The following CEMIP variants were observed in gnomAD, a reference collection of about 807,000 sequenced individuals.
CEMIP encodes the protein cell migration-inducing and hyaluronan-binding protein.
CEMIP carries 105 observed loss-of-function variants against 156.9 expected under a neutral mutation model. The observed-to-expected ratio is 0.67, with a 90% confidence interval of 0.57 to 0.79. CEMIP has a LOEUF of 0.79. Ranked by LOEUF, CEMIP falls within the 30% of genes least tolerant of loss-of-function variation. The pLI is 0.00. For missense variants in CEMIP, 1,457 were observed against 1,769.4 expected, an observed-to-expected ratio of 0.82 and a Z score of 3.17; for synonymous variants, 676 against 668.4, an observed-to-expected ratio of 1.01 and a Z score of -0.17.
chr15:80,933,105 T>C (rs1030446910), intron 22 of CEMIP, 140 bp from the exon 23 acceptor site: 4 of 741,940 alleles, frequency 5.4e-6, no homozygotes, highest in South Asian at 3.2e-5. Context: ...AGCCACGTGG[T>C]TTCTCTCAGT....
At position 80,849,312 on chromosome 15, in the gene CEMIP, C is replaced by T. The variant is rs185119433; in HGVS notation, c.-175-24226C>T. On this transcript the variant is annotated intron_variant, in intron 1 of 29. Coordinates refer to ENST00000394685, the MANE Select transcript of CEMIP (RefSeq NM_001293298.2). ...TTTAAAATATGTCTAGAGTCCATGT[C>T]TCTCTCTTGATCTCCGGACTCACCT... 2.6e-5 allele frequency among the ~76,000 whole-genome samples: 4 copies of T among 152,196 alleles called. No homozygotes were observed. The East Asian group carries it at 7.8e-4, about 30-fold the overall frequency.
chr15:80,872,272 C>T (rs1017379748), intron 1 of CEMIP, among the ~76,000 whole-genome samples: 3 of 152,174 alleles, frequency 2.0e-5, no homozygotes, highest in African/African-American at 7.2e-5. Flanking sequence ...CAGTCATATT[C>T]AGAGGAGAAA....
chr15:80,893,700 G>A (rs917044624), intron 10 of CEMIP, among the ~76,000 whole-genome samples: 2 of 152,218 alleles, frequency 1.3e-5, no homozygotes, highest in Non-Finnish European at 2.9e-5. Flanking sequence ...ACCTGAGATA[G>A]GGGGTGTGAG....
intron 1 of CEMIP, among the ~76,000 whole-genome samples, chr15:80,861,856 C>G (rs1897995057): frequency 6.6e-6 from 1 of 152,236 alleles, no homozygotes; most frequent in Non-Finnish European, 1.5e-5. Flanking sequence ...AGTGAGTAGA[C>G]TTGGGTAGCT....
intron 1 of CEMIP, among the ~76,000 whole-genome samples, chr15:80,840,670 G>A (rs1897388605): frequency 6.6e-6 from 1 of 152,208 alleles, no homozygotes; most frequent in Non-Finnish European, 1.5e-5. Context: ...CCCGAGGCGT[G>A]GGAGGCCGGC....
chr15:80,799,869 G>A lies in CEMIP; in HGVS notation c.-176+20255G>A, dbSNP rs1567051674. ...TTTATTATTTTTTATTTTTTAGAGA[G>A]ACAAGGTCTCTCTCTGCCACCCAGG... On this transcript the variant is annotated intron_variant, in intron 1 of 29. Coordinates refer to ENST00000394685, the MANE Select transcript of CEMIP (RefSeq NM_001293298.2). Among the ~76,000 whole-genome samples, 4 of 152,120 alleles carry A rather than the reference G, an allele frequency of 2.6e-5. No homozygotes were observed. The South Asian group carries it at 8.3e-4, about 32-fold the overall frequency.
chr15:80,929,293 G>C, intron 21 of CEMIP, 119 bp downstream of exon 21: 1 of 1,265,628 alleles, frequency 7.9e-7, no homozygotes, highest in South Asian at 1.2e-5. Flanking sequence ...CTACCAGCCA[G>C]AGGAATCACT....
chr15:80,804,029 C>T (rs892006218), intron 1 of CEMIP, among the ~76,000 whole-genome samples: 2 of 152,218 alleles, frequency 1.3e-5, no homozygotes, highest in Non-Finnish European at 2.9e-5. Flanking sequence ...TGTTGCATGC[C>T]AGCAGGCAAG....
intron 9 of CEMIP, 135 bp downstream of exon 9, chr15:80,888,931 G>C: frequency 1.2e-6 from 1 of 826,706 alleles, no homozygotes. Context: ...CTAAAAATGT[G>C]CAACCAAAAG....
intron 12 of CEMIP, among the ~76,000 whole-genome samples, chr15:80,900,331 G>T (rs1899422138): frequency 6.6e-6 from 1 of 152,130 alleles, no homozygotes; most frequent in South Asian, 2.1e-4. Flanking sequence ...AATGCAGGGG[G>T]GCAGCTCCAG....
chr15:80,933,129 T>C (rs1364383763), intron 22 of CEMIP, 116 bp from the exon 23 acceptor site: 5 of 904,208 alleles, frequency 5.5e-6, no homozygotes, highest in Non-Finnish European at 8.9e-6. Context: ...CGAGAGCATC[T>C]TTGTTTTGGC....
At chr15:80,818,105 A>G (rs1896828087) in intron 1 of CEMIP, among the ~76,000 whole-genome samples, 2 of 152,208 alleles carry the variant, frequency 1.3e-5, no homozygotes, top group Admixed American at 1.3e-4. Flanking sequence ...TGCAGGAACA[A>G]ACAATCCCCA....
At chr15:80,880,802 G>C in intron 5 of CEMIP, 98 bp from the exon 6 acceptor site, 2 of 939,950 alleles carry the variant, frequency 2.1e-6, no homozygotes, top group Non-Finnish European at 3.5e-6. Flanking sequence ...CGTGGTGGGG[G>C]GTCAGGGAGC....
chr15:80,810,663 T>C (rs1488568127), intron 1 of CEMIP, among the ~76,000 whole-genome samples: 1 of 152,220 alleles, frequency 6.6e-6, no homozygotes, highest in African/African-American at 2.4e-5. Context: ...CCTACCTGTG[T>C]TCTTTAAACT....
chr15:80,875,358 A>C (rs1898440497), intron 3 of CEMIP, among the ~76,000 whole-genome samples: 1 of 152,020 alleles, frequency 6.6e-6, no homozygotes, highest in Admixed American at 6.6e-5. Context: ...TTAACCCTCC[A>C]GGCAATAATT....
At chr15:80,850,124 A>T (rs1897677819) in intron 1 of CEMIP, among the ~76,000 whole-genome samples, 1 of 152,134 alleles carries the variant, frequency 6.6e-6, no homozygotes, top group South Asian at 2.1e-4. Context: ...GGATGGGCAG[A>T]GCAGGTAAAT....
At chr15:80,806,226 C>T (rs556954825) in intron 1 of CEMIP, among the ~76,000 whole-genome samples, 1 of 152,310 alleles carries the variant, frequency 6.6e-6, no homozygotes, top group East Asian at 1.9e-4. Context: ...TGAAAACTTT[C>T]GAGGTGCCTA....
chr15:80,853,999 A>G (rs1897777624), intron 1 of CEMIP, among the ~76,000 whole-genome samples: 1 of 152,248 alleles, frequency 6.6e-6, no homozygotes, highest in Admixed American at 6.5e-5. Flanking sequence ...TGTAATACCC[A>G]GAAGCAAACT....
Position 80,823,144 on chromosome 15 carries a change from A to C in CEMIP, c.-176+43530A>C, listed in dbSNP as rs547394368. Among the ~76,000 whole-genome samples the C allele has an allele frequency of 1.7e-4, 26 of 152,360 alleles. 1 individual carries two copies. The highest frequency in any genetic ancestry group is 3.4e-3 in the Middle Eastern group (1 of 294). On this transcript the variant is annotated intron_variant, in intron 1 of 29. Transcript: ENST00000394685. ...AGAGAACAGGGTTTCAGGAAGGGAA[A>C]TGGAGAAACGGTTTGTTTGAATTTC... is the stretch of plus-strand genomic sequence containing the variant.
Sources: gnomAD v4.1 joint callset for allele counts (sites outside exome capture counted in the v4.1 genomes callset) on GRCh38, gnomAD v4.1.1 for gene constraint, MANE v1.5 for transcripts, NCBI Gene and HGNC (gene_info 2026-07-23, HGNC 2026-07-21) for gene names.